Variants in GRIN2B observed in about 807,000 individuals in gnomAD.
The protein encoded by GRIN2B is glutamate ionotropic receptor NMDA type subunit 2B.
In GRIN2B, 5 loss-of-function variants were observed where a neutral mutation model predicts 114.5. The ratio of observed to expected loss-of-function variants is 0.04; its 90% CI spans 0.02 to 0.09. The LOEUF (loss-of-function observed/expected upper bound fraction) is 0.09, where lower values mean the gene tolerates loss of function less well. Among genes scored for constraint, GRIN2B ranks in the 10% least tolerant of loss-of-function variants. GRIN2B has a pLI of 1.00. For missense variants in GRIN2B, 1,108 were observed against 1,943.5 expected, an observed-to-expected ratio of 0.57 and a Z score of 8.08; for synonymous variants, 787 against 745.1, an observed-to-expected ratio of 1.06 and a Z score of -0.92.
chr12:13,873,754 T>C (rs556025303), intron 2 of GRIN2B, among the ~76,000 whole-genome samples: 2 of 152,122 alleles, frequency 1.3e-5, no homozygotes, highest in African/African-American at 4.8e-5. Context: ...CCCAATTCAT[T>C]TGTCATTGAG....
rs1438904874 is a variant in GRIN2B at position 13,538,131 on chromosome 12, T to G, written c.*24652A>C. ...AGGGTAGGTTCTACCTTCCTAGTGA[T>G]GTATGCAGGGGAAGAGTGTCAATCC... On this transcript the variant is annotated 3_prime_UTR_variant, in exon 14 of 14. Coordinates refer to ENST00000609686, the MANE Select transcript of GRIN2B (RefSeq NM_000834.5). The G allele has an allele frequency of 2.6e-5, 4 of 152,226 alleles. No homozygotes were observed. Among genetic ancestry groups the G allele is most frequent in the African/African-American group, 9.6e-5 (4 of 41,460 alleles). 9.4% of individuals were successfully genotyped at this position (152,226 alleles called of 1,614,324 possible).
chr12:13,745,438 A>C (rs1863363107), intron 4 of GRIN2B, among the ~76,000 whole-genome samples: 1 of 152,204 alleles, frequency 6.6e-6, no homozygotes, highest in South Asian at 2.1e-4. Flanking sequence ...CTGGCAGGCC[A>C]GGGCAAAGGT....
At chr12:13,865,309 T>A (rs890525361) in intron 3 of GRIN2B, among the ~76,000 whole-genome samples, 1 of 152,162 alleles carries the variant, frequency 6.6e-6, no homozygotes, top group African/African-American at 2.4e-5. Context: ...AGTTTCTAGA[T>A]ACCAGCACCT....
At chr12:13,676,440 GT>G (rs1243089014) in intron 4 of GRIN2B, among the ~76,000 whole-genome samples, 8 of 152,094 alleles carry the variant, frequency 5.3e-5, no homozygotes, top group African/African-American at 1.2e-4. Flanking sequence ...GAGCCTCTGT[GT>G]TTTTCCCTAT....
chr12:13,695,042 G>C (rs1443450352), intron 4 of GRIN2B, among the ~76,000 whole-genome samples: 3 of 152,056 alleles, frequency 2.0e-5, no homozygotes, highest in Non-Finnish European at 4.4e-5. Flanking sequence ...CAAGGAACAA[G>C]GAGTTTGCTG....
At chr12:13,942,688 A>G (rs1867282053) in intron 2 of GRIN2B, among the ~76,000 whole-genome samples, 1 of 152,226 alleles carries the variant, frequency 6.6e-6, no homozygotes, top group African/African-American at 2.4e-5. Flanking sequence ...CTCTTCATTC[A>G]TACAAACTAC....
At chr12:13,664,776 T>A (rs920903368) in intron 5 of GRIN2B, among the ~76,000 whole-genome samples, 1 of 152,170 alleles carries the variant, frequency 6.6e-6, no homozygotes, top group Non-Finnish European at 1.5e-5. Context: ...CATAAAATAT[T>A]TGGTTGCTTG....
Position 13,551,721 on chromosome 12 carries a change from A to G in GRIN2B, c.*11062T>C, listed in dbSNP as rs535734779. ...ATGGCAAAGAGATCAAATTCTGTGT[A>G]GTTGTGCTGTTCAGGTGAATATCTG... On this transcript the variant is annotated 3_prime_UTR_variant, in exon 14 of 14. Coordinates refer to ENST00000609686, the MANE Select transcript of GRIN2B (RefSeq NM_000834.5). 1 of 152,296 alleles carries G rather than the reference A, an allele frequency of 6.6e-6. No individual in the cohort carries two copies. The highest frequency in any genetic ancestry group is 1.9e-4 in the East Asian group (1 of 5,186). The allele number at this position is 152,296 out of a possible 1,614,324, so 9.4% of individuals were successfully genotyped here. A position where few individuals can be genotyped will look rare whatever the true frequency, so the allele number is the denominator to read the frequency against.
At position 13,562,744 on chromosome 12, in the gene GRIN2B, T is replaced by G. The variant is rs2136402052; in HGVS notation, c.*39A>C. The G allele has an allele frequency of 6.4e-7, 1 of 1,550,414 alleles. No individual in the cohort carries two copies. Among genetic ancestry groups the G allele is most frequent in the East Asian group, 2.2e-5 (1 of 44,572 alleles). On this transcript the variant is annotated 3_prime_UTR_variant, in exon 14 of 14. Transcript: ENST00000609686. ...ATGCGCATCACGCGACCCACAGCCT[T>G]ACCCTCCCGTACCCACCTTAACCTC...
In GRIN2B at chr12:13,843,539, T is replaced by A. The variant is rs575825304; in HGVS notation, c.411+22259A>T. 2.0e-5 allele frequency among the ~76,000 whole-genome samples: 3 copies of A among 152,332 alleles called. No homozygotes were observed. In the South Asian group the frequency reaches 6.2e-4, roughly 32 times the overall value. On this transcript the variant is annotated intron_variant, in intron 3 of 13. Transcript: ENST00000609686. ...AGGCTTTCACAGGATATTAAATCAG[T>A]GTGACAGCACTTTTAGGAGCGTAGG...
At chr12:13,673,687 G>A (rs1483721917) in intron 5 of GRIN2B, among the ~76,000 whole-genome samples, 2 of 152,044 alleles carry the variant, frequency 1.3e-5, no homozygotes, top group African/African-American at 4.8e-5. Context: ...TTCTAGAAAG[G>A]GGTAGGGGAT....
intron 2 of GRIN2B, among the ~76,000 whole-genome samples, chr12:13,906,779 C>T (rs1866542498): frequency 6.6e-6 from 1 of 152,074 alleles, no homozygotes; most frequent in Non-Finnish European, 1.5e-5. Flanking sequence ...GAAGCCAGGC[C>T]ATTAATGAAT....
At chr12:13,803,899 A>G (rs1354188857) in intron 3 of GRIN2B, among the ~76,000 whole-genome samples, 3 of 152,196 alleles carry the variant, frequency 2.0e-5, no homozygotes, top group Non-Finnish European at 4.4e-5. Flanking sequence ...GTGAGCCTGC[A>G]GTTCTGTTTG....
At chr12:13,924,945 A>G (rs1244929687) in intron 2 of GRIN2B, among the ~76,000 whole-genome samples, 1 of 152,156 alleles carries the variant, frequency 6.6e-6, no homozygotes, top group Admixed American at 6.5e-5. Context: ...GACATGGACA[A>G]AACCTTCCTT....
At chr12:13,862,065 G>A (rs1039786252) in intron 3 of GRIN2B, among the ~76,000 whole-genome samples, 11 of 152,164 alleles carry the variant, frequency 7.2e-5, no homozygotes, top group African/African-American at 1.2e-4. Flanking sequence ...AGTGATGCCC[G>A]AATCCAGCTT....
intron 4 of GRIN2B, among the ~76,000 whole-genome samples, chr12:13,689,202 C>T (rs1207988134): frequency 6.6e-6 from 1 of 152,126 alleles, no homozygotes; most frequent in Non-Finnish European, 1.5e-5. Context: ...CCATCCTTTG[C>T]CAGTCATCTC....
intron 5 of GRIN2B, among the ~76,000 whole-genome samples, chr12:13,650,294 G>A (rs554869107): frequency 8.6e-4 from 130 of 151,708 alleles, no homozygotes; most frequent in African/African-American, 2.6e-3. Flanking sequence ...TCCTTCCTTC[G>A]CAGCATTATC....
At chr12:13,965,799 G>T (rs1867781466) in intron 2 of GRIN2B, among the ~76,000 whole-genome samples, 1 of 152,138 alleles carries the variant, frequency 6.6e-6, no homozygotes, top group Non-Finnish European at 1.5e-5. Context: ...GAGGTAAAAT[G>T]GTAATAATTG....
At chr12:13,871,073 A>G (rs1865897565) in intron 2 of GRIN2B, among the ~76,000 whole-genome samples, 1 of 152,202 alleles carries the variant, frequency 6.6e-6, no homozygotes, top group Non-Finnish European at 1.5e-5. Context: ...TTCATGTATA[A>G]GGCAACAACT....
Sources: gnomAD v4.1 joint callset for allele counts (sites outside exome capture counted in the v4.1 genomes callset) on GRCh38, gnomAD v4.1.1 for gene constraint, MANE v1.5 for transcripts, NCBI Gene and HGNC (gene_info 2026-07-23, HGNC 2026-07-21) for gene names.